Variants in ZEB1 observed in about 807,000 individuals in gnomAD.
ZEB1 encodes zinc finger E-box binding homeobox 1, also known as zinc finger E-box-binding homeobox 1.
ZEB1 carries 21 observed loss-of-function variants against 84.9 expected under a neutral mutation model. That is an observed-to-expected ratio of 0.25 (90% CI 0.18 to 0.36). The LOEUF (loss-of-function observed/expected upper bound fraction) is 0.36. ZEB1 is among the 10% of genes least tolerant of loss of function. The pLI is 1.00. For missense variants in ZEB1, 1,104 were observed against 1,330.2 expected (o/e 0.83, Z 2.65); for synonymous variants, 420 against 471.1 (o/e 0.89, Z 1.41).
At chr10:31,393,292 T>C (rs113741733) in intron 1 of ZEB1, among the ~76,000 whole-genome samples, 1 of 152,356 alleles carries the variant, frequency 6.6e-6, no homozygotes, top group African/African-American at 2.4e-5. Context: ...AAGGTAGTTA[T>C]CACTCATGCT....
chr10:31,449,415 A>G (rs140656651), intron 1 of ZEB1, among the ~76,000 whole-genome samples: 1 of 152,242 alleles, frequency 6.6e-6, no homozygotes, highest in Admixed American at 6.5e-5. Flanking sequence ...AGCTGTTCCT[A>G]TTCGGCCATC....
chr10:31,334,057 A>C (rs1023826579), intron 1 of ZEB1, among the ~76,000 whole-genome samples: 1 of 152,094 alleles, frequency 6.6e-6, no homozygotes, highest in Non-Finnish European at 1.5e-5. Flanking sequence ...CTAGGACTGC[A>C]GAAGAAATAG....
At chr10:31,508,377 G>T (rs974527671) in intron 4 of ZEB1, among the ~76,000 whole-genome samples, 4 of 152,120 alleles carry the variant, frequency 2.6e-5, no homozygotes, top group Non-Finnish European at 5.9e-5. Flanking sequence ...AGTAGCAGTG[G>T]CAGGACACCC....
Position 31,520,740 on chromosome 10 carries a change from G to A in ZEB1, c.1408G>A (p.Gly470Arg). The part of the protein sequence containing the change: ...AISLPLVDQD[G>R]TTKIIINYSL... ...CAGTCTTCCTTTGGTTGATCAAGAT[G>A]GAACAACCAAAATTATCATCAACTA... The change falls in exon 7 of 9, where the codon GGA (glycine) becomes AGA (arginine). Residue 470 changes from glycine (G) to arginine (R), a missense_variant. Coordinates refer to ENST00000424869, the MANE Select transcript of ZEB1 (RefSeq NM_001174096.2). This position sits in a 1 kb window ranked among gnomAD's most constrained non-coding sequence, Gnocchi z 5.1. The A allele has an allele frequency of 6.2e-7, 1 of 1,613,968 alleles. No individual in the cohort carries two copies.
chr10:31,454,296 G>A (rs1159178314), intron 1 of ZEB1, among the ~76,000 whole-genome samples: 2 of 152,148 alleles, frequency 1.3e-5, no homozygotes, highest in Non-Finnish European at 2.9e-5. Context: ...CAAACCCACA[G>A]CCAATATCTT....
intron 1 of ZEB1, chr10:31,374,840 G>A (rs893936929): frequency 1.3e-5 from 2 of 151,646 alleles, no homozygotes; most frequent in Non-Finnish European, 3.0e-5. Flanking sequence ...TGTCAAAGCA[G>A]CATTCTTACG....
chr10:31,447,011 G>A (rs1335857495), intron 1 of ZEB1, among the ~76,000 whole-genome samples: 1 of 146,528 alleles, frequency 6.8e-6, no homozygotes, highest in Non-Finnish European at 1.5e-5. Context: ...GTTGACAGTG[G>A]GGTGTTAAAG....
In ZEB1 at chr10:31,527,996, T is replaced by C. The variant is rs1404353651; in HGVS notation, c.*732T>C. On this transcript the variant is annotated 3_prime_UTR_variant, in exon 9 of 9. Transcript: ENST00000424869. ...CAAAAGATTGCCATTGAGTTCTGAT[T>C]GCAGGGACTAACAATGTTAATCTGA... The C allele has an allele frequency of 6.6e-6, 1 of 152,314 alleles. No homozygotes were observed. The highest frequency in any genetic ancestry group is 1.5e-5 in the Non-Finnish European group (1 of 68,098). 9.4% of individuals were successfully genotyped at this position (152,314 alleles called of 1,614,324 possible).
chr10:31,460,783 TTTAATGGG>T (rs1381838848), intron 1 of ZEB1, among the ~76,000 whole-genome samples: 1 of 152,106 alleles, frequency 6.6e-6, no homozygotes, highest in African/African-American at 2.4e-5. Flanking sequence ...GTTGTAAGAA[TTTAATGGG>T]TTAGTATTTA....
At chr10:31,499,267 T>C (rs1230728840) in intron 3 of ZEB1, among the ~76,000 whole-genome samples, 2 of 152,210 alleles carry the variant, frequency 1.3e-5, no homozygotes, top group African/African-American at 2.4e-5. Context: ...AAAATGTTTT[T>C]TCTCACAGTC....
At chr10:31,418,816 CAAATCTGA>C (rs1367906446) in intron 1 of ZEB1, among the ~76,000 whole-genome samples, 1 of 152,042 alleles carries the variant, frequency 6.6e-6, no homozygotes, top group Non-Finnish European at 1.5e-5. Context: ...TTGAGCGTCC[CAAATCTGA>C]AATGCTCCAA....
At chr10:31,506,216 T>C (rs2068954747) in intron 4 of ZEB1, among the ~76,000 whole-genome samples, 1 of 152,072 alleles carries the variant, frequency 6.6e-6, no homozygotes, top group South Asian at 2.1e-4. Context: ...ATGTTCTGTG[T>C]GTTGATGACA....
intron 1 of ZEB1, among the ~76,000 whole-genome samples, chr10:31,361,621 T>C (rs2043095271): frequency 6.6e-6 from 1 of 151,540 alleles, no homozygotes; most frequent in Admixed American, 6.6e-5. Flanking sequence ...GCAGAGGCAC[T>C]CCTCCCTTAC....
intron 1 of ZEB1, among the ~76,000 whole-genome samples, chr10:31,327,969 C>T (rs2035950332): frequency 6.6e-6 from 1 of 152,102 alleles, no homozygotes. Flanking sequence ...CTGGCCTATT[C>T]ATACCCTTTA....
chr10:31,408,160 T>G (rs1212650737), intron 1 of ZEB1, among the ~76,000 whole-genome samples: 1 of 151,058 alleles, frequency 6.6e-6, no homozygotes, highest in Non-Finnish European at 1.5e-5. Context: ...TCAAAGAGAA[T>G]AAAATACCTA....
chr10:31,521,077 A>G lies in ZEB1; in HGVS notation c.1745A>G (p.Asn582Ser), dbSNP rs759380424. The G allele has an allele frequency of 9.3e-6, 15 of 1,613,952 alleles. No individual in the cohort carries two copies. Among genetic ancestry groups the G allele is most frequent in the African/African-American group, 2.7e-5 (2 of 74,918 alleles). The change falls in exon 7 of 9, where the codon AAT becomes AGT. Residue 582 changes from asparagine (N) to serine (S), a missense_variant. Transcript: ENST00000424869. ...GTTTCATCAGCTACTGGAGATGGCAATTTGTCTCCTAGTCAGCCACCTTTA... is the reference window on the plus strand; with the variant it reads ...GTTTCATCAGCTACTGGAGATGGCAGTTTGTCTCCTAGTCAGCCACCTTTA... Reference protein sequence around the residue: ...SSVSSATGDGNLSPSQPPLKN... With the variant: ...SSVSSATGDGSLSPSQPPLKN...
At chr10:31,444,132 G>C (rs1331148220) in intron 1 of ZEB1, among the ~76,000 whole-genome samples, 1 of 150,988 alleles carries the variant, frequency 6.6e-6, no homozygotes, top group Non-Finnish European at 1.5e-5. Context: ...GTATCTCATA[G>C]TGGTTTTGAT....
chr10:31,469,370 C>A (rs960742380), intron 2 of ZEB1, among the ~76,000 whole-genome samples: 2 of 152,078 alleles, frequency 1.3e-5, no homozygotes, highest in Admixed American at 1.3e-4. Flanking sequence ...ATGCGTGAGC[C>A]GAAGCAGGGT....
intron 1 of ZEB1, among the ~76,000 whole-genome samples, chr10:31,366,089 T>G (rs1380441950): frequency 6.6e-6 from 1 of 152,168 alleles, no homozygotes; most frequent in Non-Finnish European, 1.5e-5. Flanking sequence ...CGCTTTCAAG[T>G]CTTTGCTCAA....
Sources: allele counts gnomAD v4.1 joint callset (sites outside exome capture counted in the v4.1 genomes callset), GRCh38; gene constraint gnomAD v4.1.1; non-coding constraint Gnocchi (gnomAD v3.1); transcripts MANE v1.5; gene names NCBI Gene and HGNC (gene_info 2026-07-23, HGNC 2026-07-21).